Variants in ADAMTS12 observed in about 807,000 individuals in gnomAD.
ADAMTS12 encodes ADAM metallopeptidase with thrombospondin type 1 motif 12, also known as A disintegrin and metalloproteinase with thrombospondin motifs 12.
A neutral mutation model predicts 167.8 loss-of-function variants in ADAMTS12; 118 were observed. The ratio of observed to expected loss-of-function variants is 0.70; its 90% CI spans 0.61 to 0.82. The LOEUF (loss-of-function observed/expected upper bound fraction) is 0.82, where lower values mean the gene tolerates loss of function less well. ADAMTS12 is among the 40% of genes least tolerant of loss of function. ADAMTS12 has a pLI of 0.00. For missense variants in ADAMTS12, 1,916 were observed against 1,998.8 expected, an observed-to-expected ratio of 0.96 and a Z score of 0.79; for synonymous variants, 704 against 716.9, an observed-to-expected ratio of 0.98 and a Z score of 0.29.
chr5:33,631,845 T>C (rs941862834), intron 12 of ADAMTS12, among the ~76,000 whole-genome samples: 2 of 152,166 alleles, frequency 1.3e-5, no homozygotes, highest in Non-Finnish European at 2.9e-5. Flanking sequence ...GTGTTTATTA[T>C]GGGCAGGGCT....
intron 2 of ADAMTS12, among the ~76,000 whole-genome samples, chr5:33,771,310 A>G (rs1002298882): frequency 1.3e-5 from 2 of 152,156 alleles, no homozygotes; most frequent in African/African-American, 4.8e-5. Context: ...AATAATTACA[A>G]TGGGTTTGGA....
chr5:33,602,206 T>G (rs964761763), intron 16 of ADAMTS12, among the ~76,000 whole-genome samples: 2 of 152,086 alleles, frequency 1.3e-5, no homozygotes, highest in Non-Finnish European at 2.9e-5. Flanking sequence ...AGGATAAATC[T>G]CCGCTGGCCG....
At chr5:33,730,292 GTGTGTGTGT>G in intron 3 of ADAMTS12, among the ~76,000 whole-genome samples, 1 of 141,726 alleles carries the variant, frequency 7.1e-6, no homozygotes, top group East Asian at 2.0e-4. Context: ...CCATTAGGGT[GTGTGTGTGT>G]GTGTGTGTGT....
intron 17 of ADAMTS12, 83 bp downstream of exon 17, chr5:33,595,851 T>C: frequency 1.9e-6 from 3 of 1,550,772 alleles, no homozygotes; most frequent in Non-Finnish European, 2.6e-6. Context: ...ACAATATTTC[T>C]TTATCAGCAA....
At chr5:33,750,509 T>A (rs1185586007) in intron 3 of ADAMTS12, among the ~76,000 whole-genome samples, 2 of 152,166 alleles carry the variant, frequency 1.3e-5, no homozygotes, top group Non-Finnish European at 2.9e-5. Context: ...CACTGCCTCA[T>A]CATCTGTTTT....
intron 22 of ADAMTS12, among the ~76,000 whole-genome samples, chr5:33,539,926 T>A (rs1388121010): frequency 6.6e-6 from 1 of 152,000 alleles, no homozygotes; most frequent in African/African-American, 2.4e-5. Flanking sequence ...AGGTACCTGG[T>A]TCATCTCACT....
intron 2 of ADAMTS12, among the ~76,000 whole-genome samples, chr5:33,771,163 T>C (rs944615446): frequency 6.6e-6 from 1 of 152,226 alleles, no homozygotes; most frequent in African/African-American, 2.4e-5. Context: ...ATATATTGCA[T>C]ACAATGCTAC....
At chr5:33,823,091 T>TTA (rs1554045227) in intron 2 of ADAMTS12, among the ~76,000 whole-genome samples, 3 of 140,160 alleles carry the variant, frequency 2.1e-5, no homozygotes, top group Non-Finnish European at 4.6e-5. Flanking sequence ...ACCCCATTTC[T>TTA]AAAAAAAAAA....
intron 2 of ADAMTS12, among the ~76,000 whole-genome samples, chr5:33,779,126 T>C (rs901671649): frequency 6.6e-6 from 1 of 151,670 alleles, no homozygotes; most frequent in Admixed American, 6.6e-5. Flanking sequence ...AAAATAGAAG[T>C]ACCATATGAT....
intron 3 of ADAMTS12, among the ~76,000 whole-genome samples, chr5:33,726,764 T>TATGCA: frequency 6.6e-6 from 1 of 152,214 alleles, no homozygotes; most frequent in Admixed American, 6.5e-5. Context: ...AGAATTCAAA[T>TATGCA]ATGCAAGTGC....
chr5:33,686,756 C>CCT (rs1491348854), intron 3 of ADAMTS12, among the ~76,000 whole-genome samples: 11 of 148,406 alleles, frequency 7.4e-5, no homozygotes, highest in East Asian at 4.1e-4. Context: ...GATATATACA[C>CCT]CTCTCTCTCT....
intron 3 of ADAMTS12, among the ~76,000 whole-genome samples, chr5:33,732,093 C>G (rs1233028423): frequency 2.0e-5 from 3 of 152,038 alleles, no homozygotes; most frequent in Non-Finnish European, 2.9e-5. Flanking sequence ...AGCACCAGGA[C>G]TGCGCAGGCT....
At chr5:33,553,611 G>A (rs1227313494) in intron 20 of ADAMTS12, among the ~76,000 whole-genome samples, 2 of 152,166 alleles carry the variant, frequency 1.3e-5, no homozygotes, top group African/African-American at 2.4e-5. Context: ...ACTAACACAG[G>A]AACAGAAAAC....
intron 2 of ADAMTS12, among the ~76,000 whole-genome samples, chr5:33,874,482 G>A (rs1440871051): frequency 6.6e-6 from 1 of 152,202 alleles, no homozygotes; most frequent in Non-Finnish European, 1.5e-5. Flanking sequence ...TTGCTGGTGA[G>A]GATGCAAAAT....
At chr5:33,647,703 C>T (rs1740726872) in intron 9 of ADAMTS12, among the ~76,000 whole-genome samples, 1 of 151,292 alleles carries the variant, frequency 6.6e-6, no homozygotes, top group Non-Finnish European at 1.5e-5. Context: ...TGCACTCCAG[C>T]CTGGGCGATA....
intron 17 of ADAMTS12, among the ~76,000 whole-genome samples, chr5:33,589,031 T>C (rs534467367): frequency 5.9e-4 from 90 of 152,240 alleles, no homozygotes; most frequent in Non-Finnish European, 9.4e-4. Context: ...TAAATACGCA[T>C]GTTTTTGAAT....
intron 16 of ADAMTS12, among the ~76,000 whole-genome samples, chr5:33,612,396 T>G (rs1229065225): frequency 6.6e-6 from 1 of 152,220 alleles, no homozygotes; most frequent in African/African-American, 2.4e-5. Context: ...CATCAGCCAC[T>G]TATCTCTTGA....
intron 3 of ADAMTS12, among the ~76,000 whole-genome samples, chr5:33,736,437 T>C (rs1744378282): frequency 6.6e-6 from 1 of 152,144 alleles, no homozygotes. Flanking sequence ...GGTACTAAGG[T>C]TATTTTATAT....
At chr5:33,742,170 A>G (rs1194813520) in intron 3 of ADAMTS12, among the ~76,000 whole-genome samples, 2 of 152,132 alleles carry the variant, frequency 1.3e-5, no homozygotes, top group Admixed American at 1.3e-4. Flanking sequence ...AAAGCAATGT[A>G]ATTAAAGGTC....
Sources: allele counts gnomAD v4.1 joint callset (sites outside exome capture counted in the v4.1 genomes callset), GRCh38; gene constraint gnomAD v4.1.1; transcripts MANE v1.5; gene names NCBI Gene and HGNC (gene_info 2026-07-23, HGNC 2026-07-21).